COL5A1: variants seen among roughly 807,000 people sequenced by gnomAD.
The protein encoded by COL5A1 is collagen type V alpha 1 chain, also known as collagen alpha-1(V) chain.
COL5A1 carries 16 observed loss-of-function variants against 263.7 expected under a neutral mutation model. The observed-to-expected ratio is 0.06, with a 90% CI of 0.04 to 0.09. The LOEUF (loss-of-function observed/expected upper bound fraction) is 0.09. COL5A1 is among the 10% of genes least tolerant of loss of function. The pLI, the probability that COL5A1 is intolerant of heterozygous loss-of-function variation, is 1.00. For missense variants in COL5A1, 2,036 were observed against 2,540.5 expected (o/e 0.80, Z 4.27); for synonymous variants, 1,012 against 1,004.5 (o/e 1.01, Z -0.14).
chr9:134,826,055 A>T, intron 63 of COL5A1, 151 bp downstream of exon 63: 2 of 574,352 alleles, frequency 3.5e-6, no homozygotes, highest in Non-Finnish European at 6.3e-6. Context: ...TTTCAGAAGT[A>T]GACCTGAAAT....
chr9:134,799,785 G>A (rs1311150344), intron 37 of COL5A1, among the ~76,000 whole-genome samples: 1 of 152,202 alleles, frequency 6.6e-6, no homozygotes, highest in East Asian at 1.9e-4. Context: ...CATTTCTTCT[G>A]AGCTTTGCAT....
rs910296903 is a variant in COL5A1 at position 134,843,002 on chromosome 9, C to G, written c.*699C>G. 3.3e-5 allele frequency: 5 copies of G among 152,798 alleles called. No individual in the cohort carries two copies. Among genetic ancestry groups the G allele is most frequent in the Non-Finnish European group, 7.3e-5 (5 of 68,248 alleles). 9.5% of individuals were successfully genotyped at this position (152,798 alleles called of 1,614,324 possible). On this transcript the variant is annotated 3_prime_UTR_variant, in exon 66 of 66. Transcript: ENST00000371817. ...AGGCATGGATTCTGGGTTGCAGTAC[C>G]GTTCTGATTAGAAATAGGAAGTCTC...
chr9:134,778,772 G>A (rs1195065848), intron 27 of COL5A1, among the ~76,000 whole-genome samples: 1 of 152,250 alleles, frequency 6.6e-6, no homozygotes, highest in Non-Finnish European at 1.5e-5. Flanking sequence ...GTGCCTGCAG[G>A]TGTAGTGGCA....
At chr9:134,657,355 T>A (rs539789523) in intron 1 of COL5A1, among the ~76,000 whole-genome samples, 3 of 23,050 alleles carry the variant, frequency 1.3e-4, no homozygotes, top group African/African-American at 5.5e-4. Context: ...GGGGCTGGGG[T>A]AGGGGGTGAA....
intron 49 of COL5A1, 98 bp from the exon 50 acceptor site, chr9:134,814,699 G>C: frequency 5.5e-6 from 5 of 910,248 alleles, no homozygotes; most frequent in Non-Finnish European, 8.9e-6. Flanking sequence ...ACTTGGAAAG[G>C]CTGGTCTGAA....
chr9:134,670,834 G>A (rs1379722325), intron 1 of COL5A1, among the ~76,000 whole-genome samples: 5 of 152,220 alleles, frequency 3.3e-5, no homozygotes, highest in Non-Finnish European at 5.9e-5. Flanking sequence ...CCACTGCGGT[G>A]ATGGAGTGGA....
chr9:134,744,769 A>G (rs1020540070), intron 11 of COL5A1, among the ~76,000 whole-genome samples: 1 of 151,638 alleles, frequency 6.6e-6, no homozygotes, highest in African/African-American at 2.4e-5. Context: ...GCACATGCTC[A>G]CTCATACATG....
chr9:134,732,277 G>C, intron 9 of COL5A1, 150 bp downstream of exon 9: 1 of 766,820 alleles, frequency 1.3e-6, no homozygotes, highest in Non-Finnish European at 2.3e-6. Context: ...TGGAGTCCAC[G>C]CACCACTTGT....
At position 134,677,654 on chromosome 9, in the gene COL5A1, C is replaced by A. The variant is rs992880849; in HGVS notation, c.110-13258C>A. ...TCCCTGGGGCCATTCTTCAAGCGCC[C>A]TTTTCCATCCTGTAGTGAGCCATCT... is the stretch of plus-strand genomic sequence containing the variant. On this transcript the variant is annotated intron_variant, in intron 1 of 65. Transcript: ENST00000371817. This position sits in a 1 kb window ranked among gnomAD's most constrained non-coding sequence, Gnocchi z 4.4. Among the ~76,000 whole-genome samples, 2 of 152,218 alleles carry A rather than the reference C, an allele frequency of 1.3e-5. No individual in the cohort carries two copies. Among genetic ancestry groups the A allele is most frequent in the Non-Finnish European group, 2.9e-5 (2 of 68,034 alleles).
intron 1 of COL5A1, among the ~76,000 whole-genome samples, chr9:134,683,822 C>T (rs1194158131): frequency 6.6e-6 from 1 of 152,226 alleles, no homozygotes; most frequent in Non-Finnish European, 1.5e-5. Flanking sequence ...ACCCGGTGGG[C>T]TTTTCTGGCT....
chr9:134,750,124 C>T (rs889738475), intron 11 of COL5A1, among the ~76,000 whole-genome samples: 1 of 152,202 alleles, frequency 6.6e-6, no homozygotes, highest in Non-Finnish European at 1.5e-5. Context: ...CCACTGGGCA[C>T]AGGAGGCACT....
chr9:134,806,911 C>T (rs187111283), intron 42 of COL5A1, among the ~76,000 whole-genome samples: 36 of 152,214 alleles, frequency 2.4e-4, no homozygotes, highest in Non-Finnish European at 4.4e-4. Flanking sequence ...TGGTAAGCCC[C>T]GAATTTTGCA....
Position 134,821,512 on chromosome 9 carries a change from C to T in COL5A1, c.4555-585C>T, listed in dbSNP as rs1838999253. Among the ~76,000 whole-genome samples, 1 of 152,202 alleles carries T rather than the reference C, an allele frequency of 6.6e-6. No homozygotes were observed. Among genetic ancestry groups the T allele is most frequent in the Admixed American group, 6.5e-5 (1 of 15,284 alleles). ...TAGGGAGAGAGGCTGCAGGTGGCTC[C>T]AGCTGCCCGTGGCAAAGCTGGTCAA... On this transcript the variant is annotated intron_variant, in intron 58 of 65. Transcript: ENST00000371817. The surrounding 1 kb of genome is among the most constrained non-coding windows in gnomAD (Gnocchi z 4.2).
intron 64 of COL5A1, among the ~76,000 whole-genome samples, chr9:134,834,366 T>G (rs1210675849): frequency 1.3e-5 from 2 of 152,202 alleles, no homozygotes; most frequent in Non-Finnish European, 2.9e-5. Flanking sequence ...CAGATCACCA[T>G]CTGGGATGGA....
intron 4 of COL5A1, among the ~76,000 whole-genome samples, chr9:134,726,740 G>T (rs1435080517): frequency 6.6e-6 from 1 of 151,584 alleles, no homozygotes; most frequent in Non-Finnish European, 1.5e-5. Context: ...GTGAATGGAT[G>T]AATGAAAGAG....
chr9:134,694,590 G>T (rs1833396013), intron 2 of COL5A1, among the ~76,000 whole-genome samples: 1 of 152,234 alleles, frequency 6.6e-6, no homozygotes, highest in Non-Finnish European at 1.5e-5. Context: ...ATTCGAAGAG[G>T]GTTTTCTAGT....
chr9:134,835,007 G>A lies in COL5A1; in HGVS notation c.5173G>A (p.Val1725Met), dbSNP rs972629744. The A allele has an allele frequency of 6.2e-7, 1 of 1,613,810 alleles. No homozygotes were observed. Residue 1725 changes from valine to methionine, a missense_variant, in exon 65 of 66, where the codon GTG becomes ATG. This residue lies in a region of COL5A1 where 358 missense variants were observed against 384.6 expected (regional missense o/e 0.93). Coordinates refer to ENST00000371817, the MANE Select transcript of COL5A1 (RefSeq NM_000093.5). ...YVDAEGNPVGVVQMTFLRLLS... is the reference protein window; with the variant it reads ...YVDAEGNPVGMVQMTFLRLLS... ...GGACGCCGAGGGCAACCCTGTGGGTGTGGTACAGATGACCTTCCTGCGGCT... is the reference window on the plus strand; with the variant it reads ...GGACGCCGAGGGCAACCCTGTGGGTATGGTACAGATGACCTTCCTGCGGCT...
At chr9:134,762,533 G>A (rs1026252336) in intron 19 of COL5A1, among the ~76,000 whole-genome samples, 1 of 152,168 alleles carries the variant, frequency 6.6e-6, no homozygotes, top group African/African-American at 2.4e-5. Flanking sequence ...CTGCCACGCC[G>A]TCTTCATGTG....
chr9:134,802,856 A>G, intron 38 of COL5A1, 32 bp from the exon 39 acceptor site: 1 of 1,515,638 alleles, frequency 6.6e-7, no homozygotes, highest in Non-Finnish European at 9.1e-7. Flanking sequence ...GTCACTCGAA[A>G]CGTCTGTGGC....
Sources: gnomAD v4.1 joint callset for allele counts (sites outside exome capture counted in the v4.1 genomes callset) on GRCh38, gnomAD v4.1.1 for gene constraint, gnomAD v4.1.1 regional missense constraint, Gnocchi (gnomAD v3.1) non-coding constraint, MANE v1.5 for transcripts, NCBI Gene and HGNC (gene_info 2026-07-23, HGNC 2026-07-21) for gene names.